Variants in NR1D2 observed in about 807,000 individuals in gnomAD.
The protein encoded by NR1D2 is nuclear receptor subfamily 1 group D member 2.
In NR1D2, 25 loss-of-function variants were observed where a neutral mutation model predicts 52.2. The observed-to-expected ratio is 0.48, with a 90% CI of 0.35 to 0.67. NR1D2 has a LOEUF of 0.67. NR1D2 is among the 30% of genes least tolerant of loss of function. NR1D2 has a pLI of 0.01. For missense variants in NR1D2, 681 were observed against 707.2 expected (o/e 0.96, Z 0.42); for synonymous variants, 259 against 230.1 (o/e 1.13, Z -1.14).
intron 3 of NR1D2, among the ~76,000 whole-genome samples, chr3:23,956,425 C>T (rs1287840085): frequency 6.6e-6 from 1 of 152,164 alleles, no homozygotes; most frequent in African/African-American, 2.4e-5. Context: ...GTGTCAAGCA[C>T]AGTTCTAGGT....
chr3:23,947,900 C>G (rs1442880795), intron 1 of NR1D2, among the ~76,000 whole-genome samples: 1 of 152,074 alleles, frequency 6.6e-6, no homozygotes, highest in East Asian at 1.9e-4. Context: ...GGCGGATCCC[C>G]TGAGGTAAGG....
chr3:23,970,806 A>T (rs1575159165), intron 7 of NR1D2, among the ~76,000 whole-genome samples: 1 of 151,724 alleles, frequency 6.6e-6, no homozygotes, highest in East Asian at 1.9e-4. Context: ...TTGGAGATGG[A>T]GTTTCTCTCT....
At chr3:23,953,025 C>T (rs1705985176) in intron 1 of NR1D2, among the ~76,000 whole-genome samples, 1 of 151,086 alleles carries the variant, frequency 6.6e-6, no homozygotes, top group African/African-American at 2.4e-5. Context: ...CAGCATTTTG[C>T]TTTGTGGATT....
rs1178821791 is a variant in NR1D2, at chr3:23,945,508, C to T, written c.-71C>T. On this transcript the variant is annotated 5_prime_UTR_variant, in exon 1 of 8. Coordinates refer to ENST00000312521, the MANE Select transcript of NR1D2 (RefSeq NM_005126.5). Reference sequence around the variant, plus strand: ...GCTTCCAGCCCGGGGCGGCGCGGCGCTGAGGCGGCGGCGGCGGCGCTGCCC... The same window carrying T: ...GCTTCCAGCCCGGGGCGGCGCGGCGTTGAGGCGGCGGCGGCGGCGCTGCCC... 71 of 946,710 alleles carry T rather than the reference C, an allele frequency of 7.5e-5. No individual in the cohort carries two copies. The African/African-American group carries it at 1.2e-3, about 16-fold the overall frequency. The allele number at this position is 946,710 out of a possible 1,614,324, so 58.6% of individuals were successfully genotyped here. A position where few individuals can be genotyped will look rare whatever the true frequency, so the allele number is the denominator to read the frequency against.
chr3:23,976,636 C>G (rs1706730291), intron 7 of NR1D2, among the ~76,000 whole-genome samples: 1 of 152,208 alleles, frequency 6.6e-6, no homozygotes, highest in East Asian at 1.9e-4. Flanking sequence ...AGTAAGTGAG[C>G]AAGAGCGTAC....
intron 7 of NR1D2, among the ~76,000 whole-genome samples, chr3:23,973,441 A>T (rs1706642576): frequency 6.6e-6 from 1 of 152,204 alleles, no homozygotes; most frequent in African/African-American, 2.4e-5. Flanking sequence ...TGTGTATCTA[A>T]ACATATCTAA....
intron 1 of NR1D2, among the ~76,000 whole-genome samples, chr3:23,950,859 C>T (rs996071239): frequency 6.6e-6 from 1 of 151,714 alleles, no homozygotes. Context: ...AATTTTTAAG[C>T]CATCTGCATA....
At chr3:23,960,936 C>G (rs953583504) in intron 4 of NR1D2, among the ~76,000 whole-genome samples, 4 of 152,052 alleles carry the variant, frequency 2.6e-5, no homozygotes, top group Admixed American at 6.6e-5. Flanking sequence ...GTGAAAGAAG[C>G]TTTTCTTTCT....
At chr3:23,965,558 T>A (rs867466702) in intron 6 of NR1D2, among the ~76,000 whole-genome samples, 33 of 152,092 alleles carry the variant, frequency 2.2e-4, no homozygotes, top group African/African-American at 7.2e-4. Flanking sequence ...GATGTTTTCA[T>A]TCTTTTCTAA....
chr3:23,968,117 G>C (rs1270544079), intron 7 of NR1D2, 94 bp downstream of exon 7: 1 of 927,644 alleles, frequency 1.1e-6, no homozygotes, highest in African/African-American at 1.6e-5. Flanking sequence ...AAGTTATATA[G>C]AGGGAATAAG....
intron 4 of NR1D2, among the ~76,000 whole-genome samples, chr3:23,960,951 T>C (rs528344491): frequency 6.6e-5 from 10 of 152,344 alleles, no homozygotes; most frequent in African/African-American, 2.4e-4. Context: ...CTTTCTCTCA[T>C]GGATAGGATT....
At chr3:23,974,159 A>T (rs1026324258) in intron 7 of NR1D2, among the ~76,000 whole-genome samples, 1 of 129,210 alleles carries the variant, frequency 7.7e-6, no homozygotes, top group African/African-American at 3.0e-5. Flanking sequence ...TAATCCCAGC[A>T]CTTGGTGAGG....
chr3:23,960,062 C>T (rs956194809), intron 4 of NR1D2: 2 of 300,834 alleles, frequency 6.6e-6, no homozygotes, highest in African/African-American at 4.4e-5. Flanking sequence ...CATTTTTTTT[C>T]TGTGCAATTT....
intron 1 of NR1D2, among the ~76,000 whole-genome samples, chr3:23,947,061 G>T (rs1054010242): frequency 6.6e-6 from 1 of 151,994 alleles, no homozygotes; most frequent in African/African-American, 2.4e-5. Flanking sequence ...CAAAAATCTG[G>T]ATCTAATTGT....
At chr3:23,950,246 G>C (rs143825390) in intron 1 of NR1D2, among the ~76,000 whole-genome samples, 1 of 152,362 alleles carries the variant, frequency 6.6e-6, no homozygotes, top group African/African-American at 2.4e-5. Flanking sequence ...TAGAAAGATT[G>C]AAAGTGACTT....
chr3:23,955,113 G>T (rs1211071224), intron 2 of NR1D2, among the ~76,000 whole-genome samples: 2 of 152,160 alleles, frequency 1.3e-5, no homozygotes, highest in African/African-American at 2.4e-5. Context: ...ACTAAGTCTT[G>T]TTTCTAGAAC....
chr3:23,966,303 A>G (rs1223306246), intron 6 of NR1D2, among the ~76,000 whole-genome samples: 2 of 152,224 alleles, frequency 1.3e-5, no homozygotes, highest in East Asian at 3.8e-4. Context: ...TAAGTAATAT[A>G]ATTGTTAACC....
rs1451344092 is a variant in NR1D2, at chr3:23,955,175, G to C, written c.283+372G>C. Among the ~76,000 whole-genome samples, 6 of 152,344 alleles carry C rather than the reference G, an allele frequency of 3.9e-5. No individual in the cohort carries two copies. In the South Asian group the frequency reaches 6.2e-4, roughly 16 times the overall value. The stretch of plus-strand genomic sequence containing the variant: ...GTTACGTTAGTGAAACTGGATTTGG[G>C]AATATTTGGGATGAGGAAATGTTGG... On this transcript the variant is annotated intron_variant, in intron 2 of 7. Transcript: ENST00000312521.
intron 1 of NR1D2, among the ~76,000 whole-genome samples, chr3:23,951,793 TG>T (rs1705942341): frequency 6.6e-6 from 1 of 152,258 alleles, no homozygotes; most frequent in African/African-American, 2.4e-5. Flanking sequence ...TGTTCTCGTC[TG>T]GGCAGGGCCT....
Sources: allele counts gnomAD v4.1 joint callset (sites outside exome capture counted in the v4.1 genomes callset), GRCh38; gene constraint gnomAD v4.1.1; transcripts MANE v1.5; gene names NCBI Gene and HGNC (gene_info 2026-07-23, HGNC 2026-07-21).